Variants in IL2RA observed in about 807,000 individuals in gnomAD.
IL2RA encodes the protein interleukin 2 receptor subunit alpha, also known as interleukin-2 receptor subunit alpha.
IL2RA carries 24 observed loss-of-function variants against 37.8 expected under a neutral mutation model. That is an observed-to-expected ratio of 0.63 (90% CI 0.46 to 0.89). The LOEUF is 0.89. Ranked by LOEUF, IL2RA falls within the 40% of genes least tolerant of loss-of-function variation. The pLI is 0.00. For synonymous variants in IL2RA, 125 were observed against 114.6 expected (o/e 1.09, Z -0.58); for missense variants, 319 against 348.6 (o/e 0.92, Z 0.68).
chr10:6,061,234 T>A (rs1840117332), intron 1 of IL2RA, among the ~76,000 whole-genome samples: 1 of 151,826 alleles, frequency 6.6e-6, no homozygotes, highest in Non-Finnish European at 1.5e-5. Flanking sequence ...TACAAAAAAA[T>A]AAATTAACCA....
At chr10:6,060,852 G>A (rs760628609) in intron 1 of IL2RA, among the ~76,000 whole-genome samples, 52 of 152,260 alleles carry the variant, frequency 3.4e-4, no homozygotes, top group Non-Finnish European at 7.1e-4. Context: ...AGCCCAGCAT[G>A]ACTGGGCACT....
rs1034021146 is a variant in IL2RA, at chr10:6,048,574, G to A, written c.64+13514C>T. On this transcript the variant is annotated intron_variant, in intron 1 of 7. Coordinates refer to ENST00000379959, the MANE Select transcript of IL2RA (RefSeq NM_000417.3). This position sits in a 1 kb window ranked among gnomAD's most constrained non-coding sequence, Gnocchi z 5.3. ...TTATGTAGCCTTACAGCACCCAGCA[G>A]GGTCTGTGTTATTCCCATTTTATAC... Among the ~76,000 whole-genome samples, 3 of 152,216 alleles carry A rather than the reference G, an allele frequency of 2.0e-5. No individual in the cohort carries two copies. Among genetic ancestry groups the A allele is most frequent in the Non-Finnish European group, 4.4e-5 (3 of 68,040 alleles).
intron 1 of IL2RA, among the ~76,000 whole-genome samples, chr10:6,038,751 A>G (rs1247465367): frequency 6.6e-6 from 1 of 152,238 alleles, no homozygotes; most frequent in Non-Finnish European, 1.5e-5. Context: ...GTTATTTATT[A>G]TTTGAGAGGA....
intron 1 of IL2RA, among the ~76,000 whole-genome samples, chr10:6,052,369 A>G (rs1010816047): frequency 6.6e-6 from 1 of 152,198 alleles, no homozygotes; most frequent in African/African-American, 2.4e-5. Context: ...AGCCTGTGTC[A>G]TAATTGTCTG....
chr10:6,043,040 A>G (rs2132883435), intron 1 of IL2RA, among the ~76,000 whole-genome samples: 1 of 152,340 alleles, frequency 6.6e-6, no homozygotes, highest in East Asian at 1.9e-4. Context: ...ATTCTTGCAT[A>G]TGTGCACACA....
At position 6,018,880 on chromosome 10, in the gene IL2RA, C is replaced by T. The variant is rs1589291604; in HGVS notation, c.727+548G>A. ...CTAACCAACTAACAAACCTACTAAC[C>T]TACCAACAAACTAACCAACCAACCA... On this transcript the variant is annotated intron_variant, in intron 6 of 7. Coordinates refer to ENST00000379959, the MANE Select transcript of IL2RA (RefSeq NM_000417.3). This position sits in a 1 kb window ranked among gnomAD's most constrained non-coding sequence, Gnocchi z 5.1. 6.6e-6 allele frequency among the ~76,000 whole-genome samples: 1 copy of T among 152,112 alleles called. No individual in the cohort carries two copies. The highest frequency in any genetic ancestry group is 2.4e-5 in the African/African-American group (1 of 41,414).
At position 6,020,788 on chromosome 10, in the gene IL2RA, C is replaced by G. The variant is rs1839372232; in HGVS notation, c.583+690G>C. Among the ~76,000 whole-genome samples the G allele has an allele frequency of 6.6e-6, 1 of 152,174 alleles. No homozygotes were observed. The highest frequency in any genetic ancestry group is 1.5e-5 in the Non-Finnish European group (1 of 68,038). ...CCTAAAGTGATCTGCCCGCCTTGGC[C>G]TCCCAGAGTGCTGGGATTACAGGTG... On this transcript the variant is annotated intron_variant, in intron 4 of 7. Transcript: ENST00000379959. The surrounding 1 kb of genome is among the most constrained non-coding windows in gnomAD (Gnocchi z 5.6).
intron 1 of IL2RA, among the ~76,000 whole-genome samples, chr10:6,032,612 G>C (rs1029616320): frequency 6.6e-6 from 1 of 151,220 alleles, no homozygotes; most frequent in Admixed American, 6.6e-5. Flanking sequence ...AGAATGGCGT[G>C]AACTTGGGAG....
rs1004724189 is a variant in IL2RA at position 6,054,074 on chromosome 10, G to A, written c.64+8014C>T. 2.3e-4 allele frequency among the ~76,000 whole-genome samples: 35 copies of A among 152,150 alleles called. No homozygotes were observed. The highest frequency in any genetic ancestry group is 1.9e-3 in the Admixed American group (29 of 15,272). ...CTTCCTCCCAGCACAGTGACCTTCC[G>A]GTCAACCCCACCCATGCCACCCACA... On this transcript the variant is annotated intron_variant, in intron 1 of 7. Transcript: ENST00000379959. The surrounding 1 kb of genome is among the most constrained non-coding windows in gnomAD (Gnocchi z 4.5).
At chr10:6,062,064 C>T in intron 1 of IL2RA, 24 bp downstream of exon 1, 1 of 1,607,118 alleles carries the variant, frequency 6.2e-7, no homozygotes, top group East Asian at 2.2e-5. Context: ...TCCCGGAATT[C>T]CGGGGGCACC....
rs1462904435 is a variant in IL2RA, at chr10:6,025,874, G to T, written c.216C>A (p.Ser72Arg). 16 of 1,614,076 alleles carry T rather than the reference G, an allele frequency of 9.9e-6. No homozygotes were observed. Among genetic ancestry groups the T allele is most frequent in the Non-Finnish European group, 1.4e-5 (16 of 1,180,036 alleles). The change falls in exon 2 of 8, where the codon AGC (serine) becomes AGA (arginine). Residue 72 changes from serine (S) to arginine (R), a missense_variant. By Grantham distance (110) the Ser-to-Arg change is moderately radical. Transcript: ENST00000379959. This position sits in a 1 kb window ranked among gnomAD's most constrained non-coding sequence, Gnocchi z 4.4. ...GACATTGGTTGTCCCAGGACGAGTG[G>T]CTAGAGTTTCCTGTACAGAGCATAT... ...SLYMLCTGNSSHSSWDNQCQC... is the reference protein window; with the variant it reads ...SLYMLCTGNSRHSSWDNQCQC...
Position 6,057,841 on chromosome 10 carries a change from G to A in IL2RA, c.64+4247C>T, listed in dbSNP as rs1258601546. On this transcript the variant is annotated intron_variant, in intron 1 of 7. Coordinates refer to ENST00000379959, the MANE Select transcript of IL2RA (RefSeq NM_000417.3). This position sits in a 1 kb window ranked among gnomAD's most constrained non-coding sequence, Gnocchi z 4.8. Reference sequence around the variant, plus strand: ...ATGACTCCAACAAAAAAGTCACAAAGAGGACTGGGTGCGGTGGCTCATGCC... The same window carrying A: ...ATGACTCCAACAAAAAAGTCACAAAAAGGACTGGGTGCGGTGGCTCATGCC... Among the ~76,000 whole-genome samples the A allele has an allele frequency of 6.6e-6, 1 of 152,166 alleles. No individual in the cohort carries two copies. Among genetic ancestry groups the A allele is most frequent in the East Asian group, 1.9e-4 (1 of 5,198 alleles).
rs1272777203 is a variant in IL2RA at position 6,033,838 on chromosome 10, CA to C, written c.65-7814del. On this transcript the variant is annotated intron_variant, in intron 1 of 7. Transcript: ENST00000379959. This position sits in a 1 kb window ranked among gnomAD's most constrained non-coding sequence, Gnocchi z 4.3. The stretch of plus-strand genomic sequence containing the variant: ...ATGAAAACGTTTTTGCAGCTGTACA[CA>C]TTTGTCAAAACTCATCAAATTGTAT... 6.6e-6 allele frequency among the ~76,000 whole-genome samples: 1 copy of C among 152,196 alleles called. No homozygotes were observed. The highest frequency in any genetic ancestry group is 1.9e-4 in the East Asian group (1 of 5,200).
chr10:6,061,365 G>A (rs1402850245), intron 1 of IL2RA, among the ~76,000 whole-genome samples: 6 of 151,606 alleles, frequency 4.0e-5, no homozygotes, highest in Admixed American at 1.3e-4. Flanking sequence ...CAGTCTGGCT[G>A]ACAGAGACAG....
At chr10:6,049,834 T>C (rs1196502435) in intron 1 of IL2RA, among the ~76,000 whole-genome samples, 1 of 152,250 alleles carries the variant, frequency 6.6e-6, no homozygotes, top group Non-Finnish European at 1.5e-5. Flanking sequence ...CATAAGACTT[T>C]TCCATTCTCT....
chr10:6,026,108 C>T (rs1429188302), intron 1 of IL2RA, 83 bp from the exon 2 acceptor site: 2 of 1,358,216 alleles, frequency 1.5e-6, no homozygotes, highest in African/African-American at 2.9e-5. Context: ...GACTTAATCA[C>T]ATATTTCTTC....
At chr10:6,032,554 G>A (rs542040855) in intron 1 of IL2RA, among the ~76,000 whole-genome samples, 2 of 152,184 alleles carry the variant, frequency 1.3e-5, no homozygotes, top group African/African-American at 4.8e-5. Flanking sequence ...TTAGCCGGGT[G>A]TGGTGGTGTG....
At position 6,012,830 on chromosome 10, in the gene IL2RA, G is replaced by A. The variant is rs1318477027; in HGVS notation, c.*42C>T. On this transcript the variant is annotated 3_prime_UTR_variant, in exon 8 of 8. Transcript: ENST00000379959. This position sits in a 1 kb window ranked among gnomAD's most constrained non-coding sequence, Gnocchi z 4.8. ...TTGGGCTTCATGACTTCTGTTGTCT[G>A]TTCCCGGCTTCTTACCAAGAAATTC... is the stretch of plus-strand genomic sequence containing the variant. 1 of 1,603,334 alleles carries A rather than the reference G, an allele frequency of 6.2e-7. No homozygotes were observed. The highest frequency in any genetic ancestry group is 8.5e-7 in the Non-Finnish European group (1 of 1,170,240).
At chr10:6,041,618 A>C (rs1354565522) in intron 1 of IL2RA, among the ~76,000 whole-genome samples, 1 of 152,236 alleles carries the variant, frequency 6.6e-6, no homozygotes, top group Non-Finnish European at 1.5e-5. Flanking sequence ...ATATAAATCA[A>C]TTAAGCTTGC....
Sources: gnomAD v4.1 joint callset for allele counts (sites outside exome capture counted in the v4.1 genomes callset) on GRCh38, gnomAD v4.1.1 for gene constraint, Gnocchi (gnomAD v3.1) non-coding constraint, MANE v1.5 for transcripts, NCBI Gene and HGNC (gene_info 2026-07-23, HGNC 2026-07-21) for gene names.